KCNJ6: variants seen among roughly 807,000 people sequenced by gnomAD.
KCNJ6 encodes the protein G protein-activated inward rectifier potassium channel 2.
A neutral mutation model predicts 34.2 loss-of-function variants in KCNJ6; 9 were observed. The ratio of observed to expected loss-of-function variants is 0.26; its 90% confidence interval spans 0.16 to 0.46. KCNJ6 has a LOEUF of 0.46. KCNJ6 is among the 20% of genes least tolerant of loss of function. KCNJ6 has a pLI of 1.00. For missense variants in KCNJ6, 236 were observed against 531.3 expected (o/e 0.44, Z 5.46); for synonymous variants, 196 against 207.1 (o/e 0.95, Z 0.46).
chr21:37,785,534 A>G (rs543536744), intron 2 of KCNJ6, among the ~76,000 whole-genome samples: 1 of 152,348 alleles, frequency 6.6e-6, no homozygotes, highest in East Asian at 1.9e-4. Context: ...ATATGTCATT[A>G]GCACAGAATA....
chr21:37,833,335 A>G (rs2055436033), intron 2 of KCNJ6, among the ~76,000 whole-genome samples: 2 of 152,150 alleles, frequency 1.3e-5, no homozygotes, highest in Non-Finnish European at 2.9e-5. Context: ...AATTTCTAGC[A>G]TGCAGTTCAG....
chr21:37,779,436 T>TG (rs893663503), intron 2 of KCNJ6, among the ~76,000 whole-genome samples: 26 of 152,310 alleles, frequency 1.7e-4, no homozygotes, highest in African/African-American at 6.0e-4. Flanking sequence ...AATCAGCCCT[T>TG]GGGGGGACCA....
intron 1 of KCNJ6, among the ~76,000 whole-genome samples, chr21:37,873,600 A>C (rs1440390818): frequency 4.6e-5 from 7 of 152,276 alleles, no homozygotes; most frequent in African/African-American, 1.2e-4. Flanking sequence ...CCTAATCTAT[A>C]AGTGTTTCTG....
chr21:37,642,239 A>G (rs2054384066), intron 3 of KCNJ6, among the ~76,000 whole-genome samples: 1 of 152,188 alleles, frequency 6.6e-6, no homozygotes, highest in Admixed American at 6.5e-5. Context: ...AGGGAGGGTC[A>G]AATGAGAAGG....
intron 1 of KCNJ6, among the ~76,000 whole-genome samples, chr21:37,848,304 C>T (rs1282718095): frequency 6.6e-6 from 1 of 152,176 alleles, no homozygotes; most frequent in Non-Finnish European, 1.5e-5. Flanking sequence ...GATGGGGTAC[C>T]ATTTTTTTAG....
At chr21:37,858,097 GA>G (rs1232709142) in intron 1 of KCNJ6, among the ~76,000 whole-genome samples, 1 of 152,020 alleles carries the variant, frequency 6.6e-6, no homozygotes, top group Non-Finnish European at 1.5e-5. Context: ...ACATCATTAA[GA>G]AAATTCAGAT....
At chr21:37,652,747 A>C (rs2248732) in intron 3 of KCNJ6, among the ~76,000 whole-genome samples, 21,752 of 152,136 alleles carry the variant, frequency 0.14, 2,373 homozygotes, top group African/African-American at 0.3. Flanking sequence ...AGAAGATGGG[A>C]CTTAAAGCAC....
intron 2 of KCNJ6, among the ~76,000 whole-genome samples, chr21:37,787,640 T>C (rs2055198591): frequency 6.6e-6 from 1 of 152,152 alleles, no homozygotes. Context: ...GAACTTGAAG[T>C]GAATTTCAAT....
chr21:37,833,947 G>C (rs1227582317), intron 2 of KCNJ6, among the ~76,000 whole-genome samples: 1 of 152,084 alleles, frequency 6.6e-6, no homozygotes, highest in Admixed American at 6.6e-5. Flanking sequence ...CTAGCCCTGG[G>C]GTGTCTCGAA....
intron 2 of KCNJ6, among the ~76,000 whole-genome samples, chr21:37,735,865 C>A (rs1397408313): frequency 6.6e-6 from 1 of 152,194 alleles, no homozygotes; most frequent in Non-Finnish European, 1.5e-5. Context: ...GAAACACAAT[C>A]AAACGGCCTT....
At chr21:37,761,124 G>A (rs540198223) in intron 2 of KCNJ6, among the ~76,000 whole-genome samples, 1 of 152,092 alleles carries the variant, frequency 6.6e-6, no homozygotes, top group Non-Finnish European at 1.5e-5. Flanking sequence ...GCTATGTGCT[G>A]TATGTGGTGT....
rs189697043 is a variant in KCNJ6, at chr21:37,702,030, C to T, written c.946+12181G>A. 2.0e-3 allele frequency among the ~76,000 whole-genome samples: 305 copies of T among 151,896 alleles called. 1 individual carries two copies. The highest frequency in any genetic ancestry group is 6.7e-3 in the African/African-American group (279 of 41,418). ...GGTGGATCACTTGAGGTCAGGAGTT[C>T]GAGACCAGCCTGGCCAATGTGGTGA... On this transcript the variant is annotated intron_variant, in intron 3 of 3. Transcript: ENST00000609713.
intron 1 of KCNJ6, among the ~76,000 whole-genome samples, chr21:37,850,700 C>A (rs1210164145): frequency 6.6e-6 from 1 of 152,124 alleles, no homozygotes; most frequent in Non-Finnish European, 1.5e-5. Context: ...GTCACTCAAG[C>A]CCAGTGGTGA....
chr21:37,725,341 C>T (rs762577981), intron 2 of KCNJ6, among the ~76,000 whole-genome samples: 3 of 152,004 alleles, frequency 2.0e-5, no homozygotes, highest in Admixed American at 6.6e-5. Flanking sequence ...TGCAGTGAGC[C>T]GAGATCACGC....
At chr21:37,773,116 G>C (rs1357287573) in intron 2 of KCNJ6, among the ~76,000 whole-genome samples, 4 of 152,186 alleles carry the variant, frequency 2.6e-5, no homozygotes, top group African/African-American at 4.8e-5. Context: ...GTATACAGTA[G>C]GTGCTAAATA....
At chr21:37,871,458 T>G (rs2055651865) in intron 1 of KCNJ6, among the ~76,000 whole-genome samples, 1 of 152,190 alleles carries the variant, frequency 6.6e-6, no homozygotes, top group African/African-American at 2.4e-5. Flanking sequence ...TCTGGCAGAA[T>G]GTTCAGGTGA....
At chr21:37,872,159 G>A (rs543233812) in intron 1 of KCNJ6, among the ~76,000 whole-genome samples, 1 of 152,284 alleles carries the variant, frequency 6.6e-6, no homozygotes, top group South Asian at 2.1e-4. Context: ...GAAAAACAAG[G>A]CTGTCCTCAG....
chr21:37,761,344 TTG>T (rs751525974), intron 2 of KCNJ6, among the ~76,000 whole-genome samples: 26 of 151,354 alleles, frequency 1.7e-4, no homozygotes, highest in East Asian at 1.9e-4. Context: ...GTGTGTATAT[TTG>T]TGTGTTGTAT....
chr21:37,649,384 C>A (rs549358323), intron 3 of KCNJ6, among the ~76,000 whole-genome samples: 2 of 152,270 alleles, frequency 1.3e-5, no homozygotes, highest in East Asian at 1.9e-4. Flanking sequence ...AGACTCAGAA[C>A]ACATTATAAT....
Sources: gnomAD v4.1 joint callset for allele counts (sites outside exome capture counted in the v4.1 genomes callset) on GRCh38, gnomAD v4.1.1 for gene constraint, MANE v1.5 for transcripts, NCBI Gene and HGNC (gene_info 2026-07-23, HGNC 2026-07-21) for gene names.